HMX2: variants seen among roughly 807,000 people sequenced by gnomAD.
HMX2 encodes the protein H6 family homeobox 2, also known as homeobox protein HMX2.
HMX2 carries 15 observed loss-of-function variants against 21.2 expected under a neutral mutation model. The ratio of observed to expected loss-of-function variants is 0.71; its 90% CI spans 0.47 to 1.09. HMX2 has a LOEUF of 1.09. HMX2 is among the 50% of genes least tolerant of loss of function. HMX2 has a pLI of 0.00. For missense variants in HMX2, 440 were observed against 381.5 expected (o/e 1.15, Z -1.28); for synonymous variants, 193 against 181.0 (o/e 1.07, Z -0.53).
rs550208186 is a variant in HMX2 at position 123,149,053 on chromosome 10, G to A, written c.268+407G>A. On this transcript the variant is annotated intron_variant, in intron 1 of 1. Coordinates refer to ENST00000339992, the MANE Select transcript of HMX2 (RefSeq NM_005519.2). This position sits in a 1 kb window ranked among gnomAD's most constrained non-coding sequence, Gnocchi z 5.4. ...CTGAGTCTTCTTCCTCACTCGCTCCGTATCTCTGCCTTTCTCTCTCTCTCC... is the reference window on the plus strand; with the variant it reads ...CTGAGTCTTCTTCCTCACTCGCTCCATATCTCTGCCTTTCTCTCTCTCTCC... Among the ~76,000 whole-genome samples the A allele has an allele frequency of 1.9e-3, 289 of 152,252 alleles. 1 individual carries two copies. Among genetic ancestry groups the A allele is most frequent in the African/African-American group, 6.5e-3 (269 of 41,540 alleles).
chr10:123,150,065 C>A lies in HMX2; in HGVS notation c.764C>A (p.Pro255Gln). Reference protein sequence around the residue: ...SLAFPAPLYYPGSNLSALPLY... With the variant: ...SLAFPAPLYYQGSNLSALPLY... ...GCCTTTCCCGCGCCGCTCTACTACCCGGGAAGCAACCTCTCGGCCTTACCT... is the reference window on the plus strand; with the variant it reads ...GCCTTTCCCGCGCCGCTCTACTACCAGGGAAGCAACCTCTCGGCCTTACCT... Residue 255 changes from proline to glutamine, a missense_variant, in exon 2 of 2, where the codon CCG (proline) becomes CAG (glutamine). By Grantham distance (76) the Pro-to-Gln change is moderately conservative. Transcript: ENST00000339992. The surrounding 1 kb of genome is among the most constrained non-coding windows in gnomAD (Gnocchi z 4.2). 6.3e-7 allele frequency: 1 copy of A among 1,599,922 alleles called. No homozygotes were observed. Among genetic ancestry groups the A allele is most frequent in the Non-Finnish European group, 8.5e-7 (1 of 1,177,144 alleles).
chr10:123,149,430 G>A lies in HMX2; in HGVS notation c.269-140G>A. The A allele has an allele frequency of 1.7e-6, 1 of 599,336 alleles. No homozygotes were observed. Among genetic ancestry groups the A allele is most frequent in the Non-Finnish European group, 2.6e-6 (1 of 381,508 alleles). 37.1% of individuals were successfully genotyped at this position (599,336 alleles called of 1,614,324 possible). On this transcript the variant is annotated intron_variant, in intron 1 of 1. Transcript: ENST00000339992. This position sits in a 1 kb window ranked among gnomAD's most constrained non-coding sequence, Gnocchi z 5.4. The stretch of plus-strand genomic sequence containing the variant: ...GGGGTGCTGGGTTTGGGGGGCCAGT[G>A]AGAGGGATAAGAGGAGGGGATTGGT...
chr10:123,148,162 C>T lies in HMX2; in HGVS notation c.-217C>T, dbSNP rs976705581. 3 of 563,414 alleles carry T rather than the reference C, an allele frequency of 5.3e-6. No homozygotes were observed. Among genetic ancestry groups the T allele is most frequent in the Non-Finnish European group, 9.2e-6 (3 of 326,548 alleles). The allele number at this position is 563,414 out of a possible 1,614,324, so 34.9% of individuals were successfully genotyped here. A position where few individuals can be genotyped will look rare whatever the true frequency, so the allele number is the denominator to read the frequency against. ...CATTTGCACCGGGGCTGGGCGGGCGCACCCAGAGCCAGGCGGGCAGGAACC... is the reference window on the plus strand; with the variant it reads ...CATTTGCACCGGGGCTGGGCGGGCGTACCCAGAGCCAGGCGGGCAGGAACC... On this transcript the variant is annotated 5_prime_UTR_variant, in exon 1 of 2. Coordinates refer to ENST00000339992, the MANE Select transcript of HMX2 (RefSeq NM_005519.2).
chr10:123,150,129 C>G lies in HMX2; in HGVS notation c.*6C>G, dbSNP rs1844255673. ...ACAACAAGCTCGACTACTGACCGGC[C>G]CGCCGCCCCGCGCCGCCCCCAGCTG... On this transcript the variant is annotated 3_prime_UTR_variant, in exon 2 of 2. Transcript: ENST00000339992. This position sits in a 1 kb window ranked among gnomAD's most constrained non-coding sequence, Gnocchi z 4.2. The G allele has an allele frequency of 6.6e-6, 10 of 1,518,850 alleles. No homozygotes were observed. The highest frequency in any genetic ancestry group is 7.9e-6 in the Non-Finnish European group (9 of 1,133,630). 94.1% of individuals were successfully genotyped at this position (1,518,850 alleles called of 1,614,324 possible).
intron 1 of HMX2, 68 bp downstream of exon 1, chr10:123,148,714 A>G: frequency 1.3e-6 from 2 of 1,555,506 alleles, no homozygotes; most frequent in Admixed American, 2.1e-5. Flanking sequence ...GCGCCCCGCC[A>G]AGACTCCCGC....
chr10:123,149,302 C>T lies in HMX2; in HGVS notation c.269-268C>T, dbSNP rs2278506. Among the ~76,000 whole-genome samples, 16,570 of 152,226 alleles carry T rather than the reference C, an allele frequency of 0.11. 955 individuals are homozygous for T. Among genetic ancestry groups the T allele is most frequent in the African/African-American group, 0.12 (5,162 of 41,544 alleles). On this transcript the variant is annotated intron_variant, in intron 1 of 1. Transcript: ENST00000339992. This position sits in a 1 kb window ranked among gnomAD's most constrained non-coding sequence, Gnocchi z 5.4. ...AAAACCATGCTAATGTTTCCCCCTCCAGACCTCCTCTCCCTGTTGCCCCTG... is the reference window on the plus strand; with the variant it reads ...AAAACCATGCTAATGTTTCCCCCTCTAGACCTCCTCTCCCTGTTGCCCCTG...
chr10:123,149,160 G>A lies in HMX2; in HGVS notation c.269-410G>A, dbSNP rs188811087. Among the ~76,000 whole-genome samples the A allele has an allele frequency of 2.4e-4, 37 of 152,278 alleles. No individual in the cohort carries two copies. The East Asian group carries it at 6.4e-3, about 26-fold the overall frequency. On this transcript the variant is annotated intron_variant, in intron 1 of 1. Coordinates refer to ENST00000339992, the MANE Select transcript of HMX2 (RefSeq NM_005519.2). This position sits in a 1 kb window ranked among gnomAD's most constrained non-coding sequence, Gnocchi z 5.4. The stretch of plus-strand genomic sequence containing the variant: ...TCCTCTTTACAACATTTGACGAAGG[G>A]GAGTCCTGCGTTAGTCCTTAGCGTG...
chr10:123,148,258 C>T lies in HMX2; in HGVS notation c.-121C>T, dbSNP rs1256938097. On this transcript the variant is annotated 5_prime_UTR_variant, in exon 1 of 2. Coordinates refer to ENST00000339992, the MANE Select transcript of HMX2 (RefSeq NM_005519.2). ...CGCCTCACCAGCCTCGGCGCCCCCTCCCCCTAGATTTCCTCCCCGCCCCTC... is the reference window on the plus strand; with the variant it reads ...CGCCTCACCAGCCTCGGCGCCCCCTTCCCCTAGATTTCCTCCCCGCCCCTC... The T allele has an allele frequency of 4.5e-6, 4 of 880,462 alleles. No homozygotes were observed. The highest frequency in any genetic ancestry group is 1.8e-6 in the Non-Finnish European group (1 of 562,486). The allele number at this position is 880,462 out of a possible 1,614,324, so 54.5% of individuals were successfully genotyped here.
At position 123,148,523 on chromosome 10, in the gene HMX2, G is replaced by C. The variant is rs927360192; in HGVS notation, c.145G>C (p.Val49Leu). The change falls in exon 1 of 2, where the codon GTG becomes CTG. Residue 49 changes from valine to leucine, a missense_variant. Transcript: ENST00000339992. Reference protein sequence around the residue: ...GWPARKRSLSVSSEEEEPDDG... With the variant: ...GWPARKRSLSLSSEEEEPDDG... ...GCCAGCCAGGAAGCGCAGCCTGTCC[G>C]TGTCCTCGGAGGAGGAGGAGCCGGA... 16 of 1,613,074 alleles carry C rather than the reference G, an allele frequency of 9.9e-6. No homozygotes were observed. Among genetic ancestry groups the C allele is most frequent in the Non-Finnish European group, 1.3e-5 (15 of 1,179,700 alleles).
Position 123,150,175 on chromosome 10 carries a change from C to A in HMX2, c.*52C>A. The A allele has an allele frequency of 2.1e-6, 3 of 1,437,122 alleles. No homozygotes were observed. Among genetic ancestry groups the A allele is most frequent in the South Asian group, 2.7e-5 (2 of 73,806 alleles). 89.0% of individuals were successfully genotyped at this position (1,437,122 alleles called of 1,614,324 possible). On this transcript the variant is annotated 3_prime_UTR_variant, in exon 2 of 2. Transcript: ENST00000339992. This position sits in a 1 kb window ranked among gnomAD's most constrained non-coding sequence, Gnocchi z 4.2. The stretch of plus-strand genomic sequence containing the variant: ...AGCTGCCCGCAGAGCCGGGCGCGTA[C>A]TGTACTGTAAGCAGGGCTCCGGAGC...
Position 123,148,264 on chromosome 10 carries a change from A to C in HMX2, c.-115A>C. ...ACCAGCCTCGGCGCCCCCTCCCCCTAGATTTCCTCCCCGCCCCTCCCCACT... is the reference window on the plus strand; with the variant it reads ...ACCAGCCTCGGCGCCCCCTCCCCCTCGATTTCCTCCCCGCCCCTCCCCACT... On this transcript the variant is annotated 5_prime_UTR_variant, in exon 1 of 2. An upstream open reading frame in the 5' UTR loses its in-frame stop. Transcript: ENST00000339992. 7.3e-6 allele frequency: 7 copies of C among 952,480 alleles called. No homozygotes were observed. Among genetic ancestry groups the C allele is most frequent in the Non-Finnish European group, 7.9e-6 (5 of 631,802 alleles). 59.0% of individuals were successfully genotyped at this position (952,480 alleles called of 1,614,324 possible). A position where few individuals can be genotyped will look rare whatever the true frequency, so the allele number is the denominator to read the frequency against.
chr10:123,149,621 C>T lies in HMX2; in HGVS notation c.320C>T (p.Pro107Leu), dbSNP rs775953984. Residue 107 changes from proline to leucine, a missense_variant, in exon 2 of 2, where the codon CCT becomes CTT. Coordinates refer to ENST00000339992, the MANE Select transcript of HMX2 (RefSeq NM_005519.2). This position sits in a 1 kb window ranked among gnomAD's most constrained non-coding sequence, Gnocchi z 5.4. Reference sequence around the variant, plus strand: ...GGCCCGGGCGGCTTGGAGCGCACGCCTTTCCTCTCTCCTTCGCACTCGGAC... The same window carrying T: ...GGCCCGGGCGGCTTGGAGCGCACGCTTTTCCTCTCTCCTTCGCACTCGGAC... Reference protein sequence around the residue: ...GSGPGGLERTPFLSPSHSDFK... With the variant: ...GSGPGGLERTLFLSPSHSDFK... 1.2e-5 allele frequency: 18 copies of T among 1,497,740 alleles called. No individual in the cohort carries two copies. Among genetic ancestry groups the T allele is most frequent in the Non-Finnish European group, 1.6e-5 (18 of 1,130,504 alleles). 92.8% of individuals were successfully genotyped at this position (1,497,740 alleles called of 1,614,324 possible).
In HMX2 at chr10:123,148,427, G is replaced by A. The variant is rs763718276; in HGVS notation, c.49G>A (p.Val17Ile). The A allele has an allele frequency of 1.2e-6, 2 of 1,612,894 alleles. No individual in the cohort carries two copies. Among genetic ancestry groups the A allele is most frequent in the Non-Finnish European group, 1.7e-6 (2 of 1,179,576 alleles). The change falls in exon 1 of 2, where the codon GTC becomes ATC. Residue 17 changes from valine to isoleucine, a missense_variant. Physicochemically the swap from Val to Ile is conservative, Grantham distance 29 (BLOSUM62 3). Transcript: ENST00000339992. ...CAAGGGGTGTCCGGCGGCCGGTGGCGTCTCCAGCTTCACCATCCAGTCCAT... is the reference window on the plus strand; with the variant it reads ...CAAGGGGTGTCCGGCGGCCGGTGGCATCTCCAGCTTCACCATCCAGTCCAT... Reference protein sequence around the residue: ...AGKGCPAAGGVSSFTIQSILG... With the variant: ...AGKGCPAAGGISSFTIQSILG...
rs776530658 is a variant in HMX2 at position 123,149,782 on chromosome 10, G to C, written c.481G>C (p.Val161Leu). 1.9e-6 allele frequency: 3 copies of C among 1,606,580 alleles called. No individual in the cohort carries two copies. The highest frequency in any genetic ancestry group is 1.1e-5 in the South Asian group (1 of 90,464). Reference protein sequence around the residue: ...KTRTVFSRSQVYQLESTFDMK... With the variant: ...KTRTVFSRSQLYQLESTFDMK... ...GCGCACCGTCTTTTCGCGCAGCCAG[G>C]TGTACCAGCTCGAGTCCACCTTCGA... The change falls in exon 2 of 2, where the codon GTG becomes CTG. Residue 161 changes from valine (V) to leucine (L), a missense_variant. Transcript: ENST00000339992. The surrounding 1 kb of genome is among the most constrained non-coding windows in gnomAD (Gnocchi z 5.4).
rs941018388 is a variant in HMX2, at chr10:123,148,421, G to C, written c.43G>C (p.Gly15Arg). Reference sequence around the variant, plus strand: ...TGCGGGCAAGGGGTGTCCGGCGGCCGGTGGCGTCTCCAGCTTCACCATCCA... The same window carrying C: ...TGCGGGCAAGGGGTGTCCGGCGGCCCGTGGCGTCTCCAGCTTCACCATCCA... ...EDAGKGCPAA[G>R]GVSSFTIQSI... is the part of the protein sequence containing the mutation. The change falls in exon 1 of 2, where the codon GGT becomes CGT. Residue 15 changes from glycine (G) to arginine (R), a missense_variant. Physicochemically the swap from Gly to Arg is moderately radical, Grantham distance 125. Coordinates refer to ENST00000339992, the MANE Select transcript of HMX2 (RefSeq NM_005519.2). 2 of 1,612,858 alleles carry C rather than the reference G, an allele frequency of 1.2e-6. No homozygotes were observed. The highest frequency in any genetic ancestry group is 1.7e-5 in the Admixed American group (1 of 59,782).
Position 123,149,550 on chromosome 10 carries a change from T to A in HMX2, c.269-20T>A. ...TCCCCAACCAACTCCATGGCCTTTC[T>A]GTCTGTTCTCGCTCCTCAGGTACCC... On this transcript the variant is annotated intron_variant, in intron 1 of 1. Transcript: ENST00000339992. This position sits in a 1 kb window ranked among gnomAD's most constrained non-coding sequence, Gnocchi z 5.4. The A allele has an allele frequency of 7.0e-7, 1 of 1,424,860 alleles. No homozygotes were observed. The allele number at this position is 1,424,860 out of a possible 1,614,324, so 88.3% of individuals were successfully genotyped here.
In HMX2 at chr10:123,150,066, G is replaced by C; in HGVS notation, c.765G>C (p.Pro255=). 2 of 1,599,720 alleles carry C rather than the reference G, an allele frequency of 1.3e-6. No homozygotes were observed. Among genetic ancestry groups the C allele is most frequent in the South Asian group, 1.1e-5 (1 of 90,268 alleles). ...CCTTTCCCGCGCCGCTCTACTACCC[G>C]GGAAGCAACCTCTCGGCCTTACCTC... The part of the protein sequence containing the change: ...SLAFPAPLYY[P]GSNLSALPLY... The change falls in exon 2 of 2, where the codon CCG becomes CCC. Residue 255 remains proline, a synonymous_variant. Coordinates refer to ENST00000339992, the MANE Select transcript of HMX2 (RefSeq NM_005519.2). This position sits in a 1 kb window ranked among gnomAD's most constrained non-coding sequence, Gnocchi z 4.2.
In HMX2 at chr10:123,149,992, G is replaced by C; in HGVS notation, c.691G>C (p.Val231Leu). 1 of 1,611,136 alleles carries C rather than the reference G, an allele frequency of 6.2e-7. No individual in the cohort carries two copies. The highest frequency in any genetic ancestry group is 8.5e-7 in the Non-Finnish European group (1 of 1,179,370). The change falls in exon 2 of 2, where the codon GTG becomes CTG. Residue 231 changes from valine (V) to leucine (L), a missense_variant. Coordinates refer to ENST00000339992, the MANE Select transcript of HMX2 (RefSeq NM_005519.2). This position sits in a 1 kb window ranked among gnomAD's most constrained non-coding sequence, Gnocchi z 5.4. ...SAQTLVSMPL[V>L]FRDSSLLRVP... is the part of the protein sequence containing the mutation. The stretch of plus-strand genomic sequence containing the variant: ...GCAGACTCTGGTGAGCATGCCGCTG[G>C]TGTTCCGGGACAGTTCGCTGCTGCG...
Position 123,150,154 on chromosome 10 carries a change from G to A in HMX2, c.*31G>A, listed in dbSNP as rs970858311. ...CCGCCGCCCCGCGCCGCCCCCAGCT[G>A]CCCGCAGAGCCGGGCGCGTACTGTA... On this transcript the variant is annotated 3_prime_UTR_variant, in exon 2 of 2. Coordinates refer to ENST00000339992, the MANE Select transcript of HMX2 (RefSeq NM_005519.2). The surrounding 1 kb of genome is among the most constrained non-coding windows in gnomAD (Gnocchi z 4.2). The A allele has an allele frequency of 2.5e-5, 37 of 1,493,514 alleles. No individual in the cohort carries two copies. The Middle Eastern group carries it at 5.2e-4, about 21-fold the overall frequency. 92.5% of individuals were successfully genotyped at this position (1,493,514 alleles called of 1,614,324 possible).
Sources: gnomAD v4.1 joint callset for allele counts (sites outside exome capture counted in the v4.1 genomes callset) on GRCh38, gnomAD v4.1.1 for gene constraint, Gnocchi (gnomAD v3.1) non-coding constraint, MANE v1.5 for transcripts, NCBI Gene and HGNC (gene_info 2026-07-23, HGNC 2026-07-21) for gene names.